XKR6: variants seen among roughly 807,000 people sequenced by gnomAD.
The protein encoded by XKR6 is XK-related protein 6.
In XKR6, 22 loss-of-function variants were observed where a neutral mutation model predicts 56.7. That is an observed-to-expected ratio of 0.39 (90% CI 0.28 to 0.55). XKR6 has a LOEUF of 0.55. Among genes scored for constraint, XKR6 ranks in the 20% least tolerant of loss-of-function variants. The pLI is 0.66. For synonymous variants in XKR6, 524 were observed against 387.8 expected (o/e 1.35, Z -4.13); for missense variants, 852 against 889.0 (o/e 0.96, Z 0.53).
intron 1 of XKR6, among the ~76,000 whole-genome samples, chr8:11,116,527 C>T (rs1448676604): frequency 6.6e-6 from 1 of 152,126 alleles, no homozygotes; most frequent in Non-Finnish European, 1.5e-5. Context: ...CCCATCGCCA[C>T]ACCTGGCTAA....
intron 1 of XKR6, among the ~76,000 whole-genome samples, chr8:11,042,549 C>T (rs1424393400): frequency 2.6e-5 from 4 of 152,214 alleles, no homozygotes; most frequent in African/African-American, 9.6e-5. Context: ...TGAAGCCTCC[C>T]AGCCAGGTGG....
chr8:11,179,210 A>G (rs185201304), intron 1 of XKR6, among the ~76,000 whole-genome samples: 12 of 152,190 alleles, frequency 7.9e-5, no homozygotes, highest in Non-Finnish European at 1.5e-5. Context: ...CCAAACGAGT[A>G]TAGTCACCCA....
At chr8:10,951,865 C>A (rs933035074) in intron 1 of XKR6, among the ~76,000 whole-genome samples, 3 of 152,108 alleles carry the variant, frequency 2.0e-5, no homozygotes, top group Non-Finnish European at 4.4e-5. Flanking sequence ...GGGGTGGGAG[C>A]TGTTATGGGG....
At chr8:10,967,305 A>C in intron 1 of XKR6, among the ~76,000 whole-genome samples, 1 of 152,160 alleles carries the variant, frequency 6.6e-6, no homozygotes, top group African/African-American at 2.4e-5. Flanking sequence ...ATGACACCTG[A>C]GTTGCTTCAC....
At chr8:10,913,435 C>A (rs529319540) in intron 2 of XKR6, among the ~76,000 whole-genome samples, 2 of 152,198 alleles carry the variant, frequency 1.3e-5, no homozygotes, top group East Asian at 3.9e-4. Context: ...GCCGTGAGTG[C>A]CCTGGGAGAC....
intron 1 of XKR6, among the ~76,000 whole-genome samples, chr8:11,042,358 G>C (rs191090049): frequency 6.6e-6 from 1 of 152,238 alleles, no homozygotes; most frequent in East Asian, 1.9e-4. Context: ...TGTCATGGGA[G>C]GGACCCGGTG....
At chr8:11,135,654 G>C (rs1800353139) in intron 1 of XKR6, among the ~76,000 whole-genome samples, 1 of 151,846 alleles carries the variant, frequency 6.6e-6, no homozygotes, top group African/African-American at 2.4e-5. Context: ...GAAAATGGGT[G>C]AATTCATGAA....
intron 1 of XKR6, among the ~76,000 whole-genome samples, chr8:11,006,932 G>A (rs1428862824): frequency 6.6e-6 from 1 of 152,154 alleles, no homozygotes; most frequent in African/African-American, 2.4e-5. Context: ...GAATATGATT[G>A]GTCCAAGTCA....
intron 1 of XKR6, among the ~76,000 whole-genome samples, chr8:11,126,500 G>A (rs1297654048): frequency 2.6e-5 from 4 of 151,952 alleles, no homozygotes; most frequent in Non-Finnish European, 5.9e-5. Context: ...TCATTAGTCT[G>A]GTTTTTGATT....
chr8:11,187,933 T>C (rs1042399977), intron 1 of XKR6, among the ~76,000 whole-genome samples: 6 of 152,244 alleles, frequency 3.9e-5, no homozygotes, highest in Non-Finnish European at 8.8e-5. Flanking sequence ...AAGGAAGAGT[T>C]AAGCCTCCCT....
intron 1 of XKR6, among the ~76,000 whole-genome samples, chr8:11,064,015 C>T (rs1322003701): frequency 6.6e-6 from 1 of 152,188 alleles, no homozygotes; most frequent in African/African-American, 2.4e-5. Context: ...TACAACCTTC[C>T]GAAGTTCTCT....
At chr8:11,182,056 G>C (rs1216968787) in intron 1 of XKR6, among the ~76,000 whole-genome samples, 1 of 152,228 alleles carries the variant, frequency 6.6e-6, no homozygotes, top group Non-Finnish European at 1.5e-5. Context: ...TGGGATTACA[G>C]GCATGAGCCA....
At chr8:10,980,268 C>T (rs892008306) in intron 1 of XKR6, among the ~76,000 whole-genome samples, 12 of 152,076 alleles carry the variant, frequency 7.9e-5, no homozygotes, top group South Asian at 2.1e-4. Flanking sequence ...CTGCAGCTTG[C>T]GGGGCTGCAG....
chr8:11,106,872 A>G (rs1798697843), intron 1 of XKR6, among the ~76,000 whole-genome samples: 2 of 147,700 alleles, frequency 1.4e-5, no homozygotes, highest in South Asian at 4.2e-4. Context: ...AAAATAAAAA[A>G]GATACAACGT....
At chr8:11,175,267 G>T (rs946620002) in intron 1 of XKR6, 1 of 152,598 alleles carries the variant, frequency 6.6e-6, no homozygotes, top group Non-Finnish European at 1.5e-5. Flanking sequence ...GCCAAACAGT[G>T]GGGCTGGACA....
chr8:11,018,049 C>T (rs1317528205), intron 1 of XKR6, among the ~76,000 whole-genome samples: 1 of 152,156 alleles, frequency 6.6e-6, no homozygotes, highest in Non-Finnish European at 1.5e-5. Flanking sequence ...GGACTTCAAA[C>T]CTATACACAT....
intron 2 of XKR6, among the ~76,000 whole-genome samples, chr8:10,902,002 C>G (rs1037004931): frequency 5.9e-5 from 9 of 152,216 alleles, no homozygotes; most frequent in African/African-American, 2.2e-4. Context: ...GTTACCTACC[C>G]CATTTCCAGG....
intron 1 of XKR6, among the ~76,000 whole-genome samples, chr8:10,963,475 C>G (rs554922987): frequency 2.3e-4 from 35 of 152,302 alleles, no homozygotes; most frequent in African/African-American, 8.4e-4. Context: ...ACCAGACAAT[C>G]CGGGCAGGAA....
intron 1 of XKR6, among the ~76,000 whole-genome samples, chr8:11,171,473 T>A (rs1383217137): frequency 6.6e-6 from 1 of 152,174 alleles, no homozygotes; most frequent in Non-Finnish European, 1.5e-5. Context: ...CAGGAGGTGT[T>A]TGGGTCATGG....
Sources: gnomAD v4.1 joint callset for allele counts (sites outside exome capture counted in the v4.1 genomes callset) on GRCh38, gnomAD v4.1.1 for gene constraint, MANE v1.5 for transcripts, NCBI Gene and HGNC (gene_info 2026-07-23, HGNC 2026-07-21) for gene names.